HSPA14: variants seen among roughly 807,000 people sequenced by gnomAD.
The protein encoded by HSPA14 is heat shock 70 kDa protein 14.
Under a neutral mutation model 65.5 loss-of-function variants are expected in HSPA14, and 37 were observed. The ratio of observed to expected loss-of-function variants is 0.56; its 90% CI spans 0.43 to 0.74. The LOEUF (loss-of-function observed/expected upper bound fraction) is 0.74. HSPA14 is among the 30% of genes least tolerant of loss of function. The pLI is 0.00. For missense variants in HSPA14, 564 were observed against 607.6 expected (o/e 0.93, Z 0.75); for synonymous variants, 203 against 214.2 (o/e 0.95, Z 0.46).
At chr10:14,866,428 G>C (rs747325435) in intron 10 of HSPA14, among the ~76,000 whole-genome samples, 2 of 152,082 alleles carry the variant, frequency 1.3e-5, no homozygotes, top group African/African-American at 2.4e-5. Context: ...CCCTTCTTAG[G>C]TTATATATTA....
At chr10:14,838,578 T>C in intron 1 of HSPA14, 119 bp downstream of exon 1, 1 of 994,304 alleles carries the variant, frequency 1.0e-6, no homozygotes, top group Non-Finnish European at 1.4e-6. Context: ...GGAGTGGCGT[T>C]GCCGCGAGGA....
chr10:14,840,256 C>T, intron 3 of HSPA14, 99 bp downstream of exon 3: 1 of 522,802 alleles, frequency 1.9e-6, no homozygotes, highest in South Asian at 5.2e-5. Context: ...TAGTTTGTTT[C>T]TTCATTGCTT....
chr10:14,859,627 G>A (rs1207323531), intron 10 of HSPA14, among the ~76,000 whole-genome samples: 1 of 152,154 alleles, frequency 6.6e-6, no homozygotes, highest in Non-Finnish European at 1.5e-5. Context: ...GTATTTCATT[G>A]CATTGATGTA....
In HSPA14 at chr10:14,852,431, A is replaced by T. The variant is rs768579487; in HGVS notation, c.634A>T (p.Ser212Cys). 11 of 1,613,958 alleles carry T rather than the reference A, an allele frequency of 6.8e-6. No homozygotes were observed. Among genetic ancestry groups the T allele is most frequent in the Non-Finnish European group, 8.5e-6 (10 of 1,179,828 alleles). ...ATCTCTCAGCGTCATGGAAGTTAACAGTGGAATATATCGGGTTCTTTCAAC... is the reference window on the plus strand; with the variant it reads ...ATCTCTCAGCGTCATGGAAGTTAACTGTGGAATATATCGGGTTCTTTCAAC... ...SLSLSVMEVN[S>C]GIYRVLSTNT... The change falls in exon 8 of 14, where the codon AGT becomes TGT. Residue 212 changes from serine (S) to cysteine (C), a missense_variant. Ser to Cys is a moderately radical substitution (Grantham distance 112, BLOSUM62 -1). Coordinates refer to ENST00000378372, the MANE Select transcript of HSPA14 (RefSeq NM_016299.4).
intron 5 of HSPA14, chr10:14,849,425 T>G (rs939289047): frequency 3.7e-6 from 2 of 536,422 alleles, no homozygotes; most frequent in Non-Finnish European, 7.4e-6. Context: ...TTCACATGGA[T>G]GCGTTAGGAG....
At position 14,842,096 on chromosome 10, in the gene HSPA14, A is replaced by T; in HGVS notation, c.221+1939A>T. 1 of 1,454,746 alleles carries T rather than the reference A, an allele frequency of 6.9e-7. No homozygotes were observed. Among genetic ancestry groups the T allele is most frequent in the Admixed American group, 2.0e-5 (1 of 50,692 alleles). The allele number at this position is 1,454,746 out of a possible 1,614,324, so 90.1% of individuals were successfully genotyped here. Reference sequence around the variant, plus strand: ...AACTTGCTGCCAAAATTATCCTTACACCCTTCCTGTAACTCTCATTCCCCT... The same window carrying T: ...AACTTGCTGCCAAAATTATCCTTACTCCCTTCCTGTAACTCTCATTCCCCT... On this transcript the variant is annotated intron_variant, in intron 3 of 13. Coordinates refer to ENST00000378372, the MANE Select transcript of HSPA14 (RefSeq NM_016299.4). This position sits in a 1 kb window ranked among gnomAD's most constrained non-coding sequence, Gnocchi z 5.2.
At chr10:14,867,317 T>C in intron 11 of HSPA14, 22 bp downstream of exon 11, 2 of 1,501,038 alleles carry the variant, frequency 1.3e-6, no homozygotes, top group Non-Finnish European at 9.3e-7. Flanking sequence ...TTTTGTATAC[T>C]AGTTAAGGTA....
At position 14,838,339 on chromosome 10, in the gene HSPA14, G is replaced by C; in HGVS notation, c.-64G>C. Reference sequence around the variant, plus strand: ...CCGCGGTGCCTGATGGGGCCGTTGGGCGGCCGGTAGCTGTTGCTGTTGGGG... The same window carrying C: ...CCGCGGTGCCTGATGGGGCCGTTGGCCGGCCGGTAGCTGTTGCTGTTGGGG... On this transcript the variant is annotated 5_prime_UTR_variant, in exon 1 of 14. Transcript: ENST00000378372. 6.7e-7 allele frequency: 1 copy of C among 1,500,126 alleles called. No homozygotes were observed. The highest frequency in any genetic ancestry group is 9.0e-7 in the Non-Finnish European group (1 of 1,106,110). 92.9% of individuals were successfully genotyped at this position (1,500,126 alleles called of 1,614,324 possible).
At chr10:14,846,331 G>A (rs1175912944) in intron 3 of HSPA14, 1 of 985,238 alleles carries the variant, frequency 1.0e-6, no homozygotes, top group East Asian at 1.1e-4. Flanking sequence ...GCATAAGACA[G>A]GGATTTCTTT....
intron 10 of HSPA14, among the ~76,000 whole-genome samples, chr10:14,857,514 A>AT (rs1272157686): frequency 3.9e-5 from 6 of 152,150 alleles, no homozygotes; most frequent in African/African-American, 1.4e-4. Flanking sequence ...TTACTAGAGG[A>AT]TTTTTTTAAA....
At chr10:14,868,909 C>T (rs1832830053) in intron 12 of HSPA14, among the ~76,000 whole-genome samples, 2 of 151,922 alleles carry the variant, frequency 1.3e-5, no homozygotes, top group Admixed American at 6.5e-5. Context: ...TGCAGTGGCA[C>T]GATCTCGGCT....
intron 3 of HSPA14, chr10:14,845,552 C>T (rs1834038373): frequency 3.1e-6 from 3 of 982,272 alleles, no homozygotes; most frequent in Non-Finnish European, 3.6e-6. Flanking sequence ...AATCCTGTCA[C>T]AGTTTGTTTC....
chr10:14,838,520 G>C, intron 1 of HSPA14, 61 bp downstream of exon 1: 1 of 1,480,044 alleles, frequency 6.8e-7, no homozygotes, highest in Non-Finnish European at 9.2e-7. Context: ...CTGGCGCTGG[G>C]TCATCCACAG....
chr10:14,848,901 TA>T lies in HSPA14; in HGVS notation c.376+7del, dbSNP rs1834086482. The T allele has an allele frequency of 1.5e-6, 2 of 1,353,378 alleles. No individual in the cohort carries two copies. Among genetic ancestry groups the T allele is most frequent in the African/African-American group, 2.9e-5 (2 of 68,462 alleles). 83.8% of individuals were successfully genotyped at this position (1,353,378 alleles called of 1,614,324 possible). ...GATATTTAGTAAAATGAAAGGTATT[TA>T]GCAAAAGATATATAATAGTTACCTT... is the stretch of plus-strand genomic sequence containing the variant. On this transcript the variant is annotated splice_region_variant and intron_variant, in intron 5 of 13. Transcript: ENST00000378372.
Position 14,849,604 on chromosome 10 carries a change from A to C in HSPA14, c.377-117A>C, listed in dbSNP as rs546785672. Reference sequence around the variant, plus strand: ...AAATTGACACGGGGGCGGGGTGGGCAAGCAAGTGTATTGGGAAATATGTTA... The same window carrying C: ...AAATTGACACGGGGGCGGGGTGGGCCAGCAAGTGTATTGGGAAATATGTTA... On this transcript the variant is annotated intron_variant, in intron 5 of 13. Transcript: ENST00000378372. The C allele has an allele frequency of 1.2e-4, 101 of 830,792 alleles. No individual in the cohort carries two copies. The African/African-American group carries it at 1.6e-3, about 13-fold the overall frequency. 51.5% of individuals were successfully genotyped at this position (830,792 alleles called of 1,614,324 possible).
At chr10:14,846,152 C>T (rs1834049919) in intron 3 of HSPA14, 1 of 984,364 alleles carries the variant, frequency 1.0e-6, no homozygotes, top group Non-Finnish European at 1.2e-6. Flanking sequence ...ATATTTAAGG[C>T]ATTGAAATGG....
intron 10 of HSPA14, among the ~76,000 whole-genome samples, chr10:14,859,371 C>G (rs974868246): frequency 2.0e-5 from 3 of 152,206 alleles, no homozygotes; most frequent in Non-Finnish European, 4.4e-5. Context: ...TCAGACCACC[C>G]TGCCTCTTTT....
Position 14,851,291 on chromosome 10 carries a change from T to C in HSPA14, c.540T>C (p.Tyr180=), listed in dbSNP as rs757800139. 5 of 1,611,900 alleles carry C rather than the reference T, an allele frequency of 3.1e-6. No homozygotes were observed. The highest frequency in any genetic ancestry group is 4.2e-6 in the Non-Finnish European group (5 of 1,178,110). ...IHEPSAALLA[Y]GIGQDSPTGK... ...AACCGTCTGCAGCTCTTCTTGCTTA[T>C]GGAATTGGACAAGACTCCCCTACTG... Residue 180 remains tyrosine (Y), a synonymous_variant, in exon 7 of 14, where the codon TAT becomes TAC. Coordinates refer to ENST00000378372, the MANE Select transcript of HSPA14 (RefSeq NM_016299.4).
rs771176594 is a variant in HSPA14 at position 14,842,823 on chromosome 10, C to G, written c.221+2666C>G. The G allele has an allele frequency of 1.3e-6, 2 of 1,534,590 alleles. No individual in the cohort carries two copies. The highest frequency in any genetic ancestry group is 2.4e-5 in the South Asian group (2 of 83,950). On this transcript the variant is annotated intron_variant, in intron 3 of 13. Transcript: ENST00000378372. This position sits in a 1 kb window ranked among gnomAD's most constrained non-coding sequence, Gnocchi z 5.2. ...CGAGAAACCAGTGACCTTGAGGACTCCTGGGATGAATCCTCGGGTGCAGGT... is the reference window on the plus strand; with the variant it reads ...CGAGAAACCAGTGACCTTGAGGACTGCTGGGATGAATCCTCGGGTGCAGGT...
Sources: gnomAD v4.1 joint callset for allele counts (sites outside exome capture counted in the v4.1 genomes callset) on GRCh38, gnomAD v4.1.1 for gene constraint, Gnocchi (gnomAD v3.1) non-coding constraint, MANE v1.5 for transcripts, NCBI Gene and HGNC (gene_info 2026-07-23, HGNC 2026-07-21) for gene names.